RELN: variants seen among roughly 807,000 people sequenced by gnomAD.
RELN encodes the protein reelin.
Under a neutral mutation model 427.6 loss-of-function variants are expected in RELN, and 108 were observed. The ratio of observed to expected loss-of-function variants is 0.25; its 90% CI spans 0.22 to 0.30. RELN has a LOEUF of 0.30. Ranked by LOEUF, RELN falls within the 10% of genes least tolerant of loss-of-function variation. The pLI, the probability that RELN is intolerant of heterozygous loss-of-function variation, is 1.00. For missense variants in RELN, 3,715 were observed against 4,302.8 expected, an observed-to-expected ratio of 0.86 and a Z score of 3.82; for synonymous variants, 1,524 against 1,513.4, an observed-to-expected ratio of 1.01 and a Z score of -0.16.
intron 1 of RELN, among the ~76,000 whole-genome samples, chr7:103,938,642 T>C (rs1002375768): frequency 1.3e-5 from 2 of 152,180 alleles, no homozygotes; most frequent in Admixed American, 6.5e-5. Flanking sequence ...TTCAAATACA[T>C]ACTATCTTCC....
chr7:103,484,157 G>A lies in RELN; in HGVS notation c.9984-307C>T, dbSNP rs553050369. The A allele has an allele frequency of 8.3e-5, 31 of 372,502 alleles. No individual in the cohort carries two copies. In the South Asian group the frequency reaches 8.4e-4, roughly 10 times the overall value. The allele number at this position is 372,502 out of a possible 1,614,324, so 23.1% of individuals were successfully genotyped here. A position where few individuals can be genotyped will look rare whatever the true frequency, so the allele number is the denominator to read the frequency against. ...GGCCTCCCAAAGTGCTGGGATTACA[G>A]GTGTAAGCCACTGTGCCCGGCTGGG... is the stretch of plus-strand genomic sequence containing the variant. On this transcript the variant is annotated intron_variant, in intron 61 of 64. Transcript: ENST00000428762.
Position 103,957,890 on chromosome 7 carries a change from A to G in RELN, c.226+31241T>C, listed in dbSNP as rs537732636. On this transcript the variant is annotated intron_variant, in intron 1 of 64. Transcript: ENST00000428762. ...GCAGATTTACAAAAGCATTAGTAATAGTCTGAAGGATAATAACATATTACC... is the reference window on the plus strand; with the variant it reads ...GCAGATTTACAAAAGCATTAGTAATGGTCTGAAGGATAATAACATATTACC... Among the ~76,000 whole-genome samples, 6 of 152,324 alleles carry G rather than the reference A, an allele frequency of 3.9e-5. No individual in the cohort carries two copies. In the East Asian group the frequency reaches 9.6e-4, roughly 24 times the overall value.
intron 4 of RELN, among the ~76,000 whole-genome samples, chr7:103,770,371 A>C (rs1244072162): frequency 1.3e-5 from 2 of 152,186 alleles, no homozygotes; most frequent in Non-Finnish European, 2.9e-5. Context: ...GGCATGAGCC[A>C]CCGCGCCCCG....
intron 31 of RELN, among the ~76,000 whole-genome samples, chr7:103,570,615 G>A (rs899599031): frequency 3.9e-5 from 6 of 152,192 alleles, no homozygotes; most frequent in African/African-American, 1.4e-4. Flanking sequence ...GGTCATTAGT[G>A]CCCCACTGGT....
In RELN at chr7:103,728,196, T is replaced by C. The variant is rs1790262006; in HGVS notation, c.668A>G (p.Asn223Ser). 6.2e-7 allele frequency: 1 copy of C among 1,613,656 alleles called. No homozygotes were observed. Among genetic ancestry groups the C allele is most frequent in the Admixed American group, 1.7e-5 (1 of 59,898 alleles). Residue 223 changes from asparagine to serine, a missense_variant, in exon 7 of 65, where the codon AAC becomes AGC. Physicochemically the swap from Asn to Ser is conservative, Grantham distance 46. Around this residue, in one of 4 missense-constraint regions of RELN, gnomAD observed 2,208 missense variants for 2,361.7 expected, o/e 0.93. Transcript: ENST00000428762. ...QLNPNIWVEC[N>S]NCETGEQCGA... is the part of the protein sequence containing the mutation. ...ACACTGTTCTCCAGTCTCACAGTTG[T>C]TACATTCAACCCTGCAGGAAAACAG...
rs189658875 is a variant in RELN, at chr7:103,949,487, C to T, written c.227-32302G>A. On this transcript the variant is annotated intron_variant, in intron 1 of 64. Coordinates refer to ENST00000428762, the MANE Select transcript of RELN (RefSeq NM_005045.4). Reference sequence around the variant, plus strand: ...GGAGCCCTCACGAACGCGATTAGTGCTCTTAGAGGAAGAGACACAAGACAG... The same window carrying T: ...GGAGCCCTCACGAACGCGATTAGTGTTCTTAGAGGAAGAGACACAAGACAG... 5.9e-5 allele frequency among the ~76,000 whole-genome samples: 9 copies of T among 152,236 alleles called. No homozygotes were observed. The East Asian group carries it at 1.7e-3, about 29-fold the overall frequency.
chr7:103,792,556 C>T (rs1331370340), intron 3 of RELN, among the ~76,000 whole-genome samples: 5 of 21,668 alleles, frequency 2.3e-4, no homozygotes, highest in South Asian at 1.4e-3. Context: ...TAGTGGTTTC[C>T]GGGGGATGGG....
chr7:103,785,110 T>C (rs1033350086), intron 3 of RELN, among the ~76,000 whole-genome samples: 1 of 152,186 alleles, frequency 6.6e-6, no homozygotes, highest in Admixed American at 6.6e-5. Flanking sequence ...TTTGCTTTAT[T>C]ATTACAATAC....
rs539472657 is a variant in RELN, at chr7:103,733,271, A to G, written c.657-5064T>C. Among the ~76,000 whole-genome samples the G allele has an allele frequency of 5.3e-5, 8 of 151,510 alleles. No homozygotes were observed. In the East Asian group the frequency reaches 1.6e-3, roughly 29 times the overall value. On this transcript the variant is annotated intron_variant, in intron 6 of 64. Transcript: ENST00000428762. ...TCTCACACCAGTTAGAATGGCAATCATTAAAAAGTCAGGAAACAACAGGTG... is the reference window on the plus strand; with the variant it reads ...TCTCACACCAGTTAGAATGGCAATCGTTAAAAAGTCAGGAAACAACAGGTG...
At chr7:103,773,219 C>T (rs866083602) in intron 4 of RELN, among the ~76,000 whole-genome samples, 183 of 107,656 alleles carry the variant, frequency 1.7e-3, no homozygotes, top group East Asian at 3.6e-3. Context: ...CTCTCTCTCC[C>T]TCCCTCCCTC....
intron 4 of RELN, among the ~76,000 whole-genome samples, chr7:103,766,608 T>C (rs1380411959): frequency 4.6e-5 from 7 of 152,272 alleles, no homozygotes; most frequent in Non-Finnish European, 1.0e-4. Flanking sequence ...TCTGGACTTC[T>C]TGTTAAACTC....
intron 11 of RELN, among the ~76,000 whole-genome samples, chr7:103,669,866 CCCTTA>C (rs1190730492): frequency 6.6e-6 from 1 of 151,870 alleles, no homozygotes; most frequent in Non-Finnish European, 1.5e-5. Context: ...AATTAAAAAG[CCCTTA>C]CCTTATTTAT....
At chr7:103,850,477 T>C (rs1793795745) in intron 2 of RELN, among the ~76,000 whole-genome samples, 2 of 152,158 alleles carry the variant, frequency 1.3e-5, no homozygotes, top group Non-Finnish European at 2.9e-5. Flanking sequence ...GGCCCATTCC[T>C]GCCTGGCACC....
chr7:103,584,629 C>T lies in RELN; in HGVS notation c.4145+4967G>A, dbSNP rs2535776. 5.1e-3 allele frequency among the ~76,000 whole-genome samples: 780 copies of T among 152,108 alleles called. 6 individuals carry two copies. Among genetic ancestry groups the T allele is most frequent in the African/African-American group, 0.017 (705 of 41,478 alleles). On this transcript the variant is annotated intron_variant, in intron 28 of 64. Coordinates refer to ENST00000428762, the MANE Select transcript of RELN (RefSeq NM_005045.4). The stretch of plus-strand genomic sequence containing the variant: ...ATAATAATATCGGTAGCTTTAACAC[C>T]CCAATGACATCACTAGATAGATCAC...
chr7:103,745,163 A>T (rs1790784619), intron 6 of RELN, among the ~76,000 whole-genome samples: 1 of 151,996 alleles, frequency 6.6e-6, no homozygotes, highest in African/African-American at 2.4e-5. Context: ...AAAGACAAAA[A>T]CCCCATGATT....
chr7:103,788,999 C>T (rs1199811659), intron 3 of RELN, among the ~76,000 whole-genome samples: 12 of 151,874 alleles, frequency 7.9e-5, no homozygotes, highest in South Asian at 2.1e-4. Flanking sequence ...GATACATAGA[C>T]GAATGGAACA....
rs909312567 is a variant in RELN at position 103,763,258 on chromosome 7, T to C, written c.545-10044A>G. On this transcript the variant is annotated intron_variant, in intron 4 of 64. Transcript: ENST00000428762. ...TTCTGGGGACATGGGAGGTACAGAC[T>C]GGCTGGCAATTAAAGAAATAAGAGT... Among the ~76,000 whole-genome samples, 5 of 152,206 alleles carry C rather than the reference T, an allele frequency of 3.3e-5. No individual in the cohort carries two copies. The East Asian group carries it at 9.6e-4, about 29-fold the overall frequency.
At chr7:103,605,783 A>G (rs1224690481) in intron 22 of RELN, among the ~76,000 whole-genome samples, 2 of 152,238 alleles carry the variant, frequency 1.3e-5, no homozygotes, top group Non-Finnish European at 2.9e-5. Context: ...TAAGTACATA[A>G]CAGACTGTTA....
At chr7:103,960,883 GT>G (rs1796539065) in intron 1 of RELN, among the ~76,000 whole-genome samples, 1 of 152,200 alleles carries the variant, frequency 6.6e-6, no homozygotes, top group Non-Finnish European at 1.5e-5. Context: ...GCTTTAAGGT[GT>G]TTTCCTCACA....
Sources: gnomAD v4.1 joint callset for allele counts (sites outside exome capture counted in the v4.1 genomes callset) on GRCh38, gnomAD v4.1.1 for gene constraint, gnomAD v4.1.1 regional missense constraint, MANE v1.5 for transcripts, NCBI Gene and HGNC (gene_info 2026-07-23, HGNC 2026-07-21) for gene names.